The following ASGR1 variants were observed in gnomAD, a reference collection of about 807,000 sequenced individuals.
ASGR1 encodes the protein asialoglycoprotein receptor 1, also known as C-type lectin domain family 4 member H1.
Under a neutral mutation model 33.1 loss-of-function variants are expected in ASGR1, and 35 were observed. The ratio of observed to expected loss-of-function variants is 1.06; its 90% CI spans 0.81 to 1.40. The LOEUF is 1.40. Among genes scored for constraint, ASGR1 ranks in the 40% most tolerant of loss-of-function variants. The probability of loss-of-function intolerance (pLI) is 0.00; values close to 1 mark genes in which losing one functional copy is unlikely to be tolerated. For synonymous variants in ASGR1, 142 were observed against 152.5 expected (o/e 0.93, Z 0.51); for missense variants, 396 against 373.7 (o/e 1.06, Z -0.49).
Position 7,178,702 on chromosome 17 carries a change from C to CTTCT in ASGR1, c.-25-118_-25-115dup, listed in dbSNP as rs1047012393. On this transcript the variant is annotated intron_variant, in intron 1 of 8. Coordinates refer to ENST00000269299, the MANE Select transcript of ASGR1 (RefSeq NM_001671.5). ...TGACGGCTCCATCATGGAGACCTTT[C>CTTCT]TTCTTTCTTTCTTTTCTTTTTCTTT... is the stretch of plus-strand genomic sequence containing the variant. The CTTCT allele has an allele frequency of 2.3e-5, 12 of 513,196 alleles. No individual in the cohort carries two copies. In the East Asian group the frequency reaches 2.4e-4, roughly 10 times the overall value. 31.8% of individuals were successfully genotyped at this position (513,196 alleles called of 1,614,324 possible).
At chr17:7,178,729 T>TC (rs2069244549) in intron 1 of ASGR1, 141 bp from the exon 2 acceptor site, 2 of 182,462 alleles carry the variant, frequency 1.1e-5, no homozygotes, top group Non-Finnish European at 2.4e-5. Flanking sequence ...TTTTTCTTTT[T>TC]TTTCTTTTCT....
rs531188478 is a variant in ASGR1, at chr17:7,176,138, AC to A, written c.355+691del. ...CACACTCAGACTCTGTCACACACACACCCATCTCATTCTCACACACAGACAC... is the reference window on the plus strand; with the variant it reads ...CACACTCAGACTCTGTCACACACACACCATCTCATTCTCACACACAGACAC... On this transcript the variant is annotated intron_variant, in intron 5 of 8. Coordinates refer to ENST00000269299, the MANE Select transcript of ASGR1 (RefSeq NM_001671.5). Among the ~76,000 whole-genome samples the A allele has an allele frequency of 1.8e-4, 25 of 135,338 alleles. No individual in the cohort carries two copies. In the East Asian group the frequency reaches 5.7e-3, roughly 31 times the overall value. The allele number at this position is 135,338 out of a possible 152,430, so 88.8% of individuals were successfully genotyped here. A position where few individuals can be genotyped will look rare whatever the true frequency, so the allele number is the denominator to read the frequency against.
chr17:7,178,249 C>G (rs778009812), intron 2 of ASGR1: 157 of 543,118 alleles, frequency 2.9e-4, no homozygotes, highest in Non-Finnish European at 4.0e-4. Flanking sequence ...CCCACACCCC[C>G]GGGTCCACCT....
At position 7,174,466 on chromosome 17, in the gene ASGR1, G is replaced by A. The variant is rs538131581; in HGVS notation, c.356-6C>T. On this transcript the variant is annotated splice_region_variant and splice_polypyrimidine_tract_variant and intron_variant, in intron 5 of 8. Coordinates refer to ENST00000269299, the MANE Select transcript of ASGR1 (RefSeq NM_001671.5). ...GAGCAGCAGGCTGGAGTGATCTGGG[G>A]AGACCGGGCGGAGGGGAGCGGGAGG... 2.5e-6 allele frequency: 4 copies of A among 1,611,816 alleles called. No individual in the cohort carries two copies. The highest frequency in any genetic ancestry group is 3.4e-5 in the Admixed American group (2 of 59,538).
rs1184737913 is a variant in ASGR1, at chr17:7,177,330, C to A, written c.71-4G>T. 1.2e-6 allele frequency: 2 copies of A among 1,612,422 alleles called. No homozygotes were observed. Among genetic ancestry groups the A allele is most frequent in the Non-Finnish European group, 1.7e-6 (2 of 1,179,234 alleles). ...AGGGGCTGGGGAGGAGGTGGCCCTG[C>A]AAGAGGAGGGGGTGTCAGGAGCGCG... On this transcript the variant is annotated splice_polypyrimidine_tract_variant and splice_region_variant and intron_variant, in intron 2 of 8. Transcript: ENST00000269299.
intron 2 of ASGR1, chr17:7,178,265 G>A (rs917018141): frequency 3.4e-5 from 19 of 557,554 alleles, no homozygotes; most frequent in African/African-American, 3.4e-4. Context: ...CACCTCCGAG[G>A]GCCAGGAGGC....
chr17:7,176,131 C>T (rs2069200955), intron 5 of ASGR1, among the ~76,000 whole-genome samples: 1 of 138,946 alleles, frequency 7.2e-6, no homozygotes, highest in African/African-American at 3.3e-5. Context: ...GACTCTGTCA[C>T]ACACACACCC....
chr17:7,177,406 C>T, intron 2 of ASGR1, 80 bp from the exon 3 acceptor site: 6 of 1,182,112 alleles, frequency 5.1e-6, no homozygotes, highest in Non-Finnish European at 7.3e-6. Context: ...GGGTAGCAAG[C>T]TAAGGCGGCC....
chr17:7,176,175 T>C (rs1232930502), intron 5 of ASGR1, among the ~76,000 whole-genome samples: 1 of 138,776 alleles, frequency 7.2e-6, no homozygotes, highest in Non-Finnish European at 1.5e-5. Context: ...ACACCCCATC[T>C]CATTCTCACA....
At position 7,177,227 on chromosome 17, in the gene ASGR1, C is replaced by G; in HGVS notation, c.170G>C (p.Cys57Ser). The change falls in exon 3 of 9, where the codon TGT (cysteine) becomes TCT (serine). Residue 57 changes from cysteine to serine, a missense_variant. Coordinates refer to ENST00000269299, the MANE Select transcript of ASGR1 (RefSeq NM_001671.5). ...GLSLLLLVVV[C>S]VIGSQNSQLQ... ...GCACCCACTTTGGGATCCGATCACA[C>G]AGACAACCACAAGCAGCAGGAGGCT... 6.2e-7 allele frequency: 1 copy of G among 1,613,642 alleles called. No homozygotes were observed. Among genetic ancestry groups the G allele is most frequent in the Non-Finnish European group, 8.5e-7 (1 of 1,179,934 alleles).
intron 4 of ASGR1, 29 bp downstream of exon 4, chr17:7,176,952 C>T (rs373887251): frequency 1.9e-5 from 30 of 1,594,102 alleles, no homozygotes; most frequent in Admixed American, 6.7e-5. Context: ...GCCCCAGCCC[C>T]AGCCCCAGCC....
At chr17:7,177,423 G>C in intron 2 of ASGR1, 97 bp from the exon 3 acceptor site, 1 of 923,664 alleles carries the variant, frequency 1.1e-6, no homozygotes, top group Non-Finnish European at 1.6e-6. Context: ...GGCCCTAGTA[G>C]TCTAGGAGGA....
chr17:7,176,930 G>A (rs746839325), intron 4 of ASGR1, 29 bp from the exon 5 acceptor site: 39 of 1,609,750 alleles, frequency 2.4e-5, no homozygotes, highest in South Asian at 2.1e-4. Context: ...CAGCGTTCCC[G>A]ACAGCCCCCC....
chr17:7,174,227 A>G lies in ASGR1; in HGVS notation c.505T>C (p.Ser169Pro). Residue 169 changes from serine to proline, a missense_variant, in exon 7 of 9, where the codon TCT becomes CCT. Ser to Pro is a moderately conservative substitution (Grantham distance 74). Coordinates refer to ENST00000269299, the MANE Select transcript of ASGR1 (RefSeq NM_001671.5). Reference sequence around the variant, plus strand: ...TCAGCCCAGGCCTTCCCGGAGCGAGAGAACCAGTAGCAGCTGCGCTCGTGC... The same window carrying G: ...TCAGCCCAGGCCTTCCCGGAGCGAGGGAACCAGTAGCAGCTGCGCTCGTGC... ...VEHERSCYWFSRSGKAWADAD... is the reference protein window; with the variant it reads ...VEHERSCYWFPRSGKAWADAD... The G allele has an allele frequency of 6.2e-7, 1 of 1,614,200 alleles. No homozygotes were observed. Among genetic ancestry groups the G allele is most frequent in the African/African-American group, 1.3e-5 (1 of 75,064 alleles).
chr17:7,178,674 G>A (rs1183336401), intron 1 of ASGR1, 86 bp from the exon 2 acceptor site: 4 of 752,268 alleles, frequency 5.3e-6, no homozygotes, highest in Non-Finnish European at 8.6e-6. Flanking sequence ...ACTCCCATCT[G>A]ATTGACGGCT....
chr17:7,176,675 C>A, intron 5 of ASGR1, 155 bp downstream of exon 5: 1 of 1,128,630 alleles, frequency 8.9e-7, no homozygotes, highest in Non-Finnish European at 1.3e-6. Context: ...ACACCCAAAA[C>A]ACACTCCCCC....
At chr17:7,176,517 C>A in intron 5 of ASGR1, 2 of 426,462 alleles carry the variant, frequency 4.7e-6, no homozygotes, top group East Asian at 4.8e-5. Flanking sequence ...ACACACACCC[C>A]CTCTCATTCC....
At position 7,177,282 on chromosome 17, in the gene ASGR1, G is replaced by T. The variant is rs766424779; in HGVS notation, c.115C>A (p.Pro39Thr). 8.1e-6 allele frequency: 13 copies of T among 1,613,770 alleles called. 1 individual carries two copies. In the South Asian group the frequency reaches 1.4e-4, roughly 18 times the overall value. ...CCCAGGGAGAGCAGGAGGAGGCGAG[G>T]TCCGGAGCAGAGACGCTGCAGGAGG... is the stretch of plus-strand genomic sequence containing the variant. ...QPLLQRLCSG[P>T]RLLLLSLGLS... The change falls in exon 3 of 9, where the codon CCT (proline) becomes ACT (threonine). Residue 39 changes from proline (P) to threonine (T), a missense_variant. Transcript: ENST00000269299.
intron 2 of ASGR1, 70 bp from the exon 3 acceptor site, chr17:7,177,396 G>T (rs2142769154): frequency 7.5e-7 from 1 of 1,334,012 alleles, no homozygotes; most frequent in South Asian, 1.3e-5. Context: ...GGTCCTAAAA[G>T]GGTAGCAAGC....
Sources: allele counts gnomAD v4.1 joint callset (sites outside exome capture counted in the v4.1 genomes callset), GRCh38; gene constraint gnomAD v4.1.1; transcripts MANE v1.5; gene names NCBI Gene and HGNC (gene_info 2026-07-23, HGNC 2026-07-21).